Variants in BEAN1 observed in about 807,000 individuals in gnomAD.
The protein encoded by BEAN1 is brain expressed associated with NEDD4 1, also known as protein BEAN1.
Under a neutral mutation model 17.7 loss-of-function variants are expected in BEAN1, and 17 were observed. That is an observed-to-expected ratio of 0.96 (90% confidence interval 0.66 to 1.44). The LOEUF (loss-of-function observed/expected upper bound fraction) is 1.44. BEAN1 is among the 40% of genes most tolerant of loss of function. BEAN1 has a pLI of 0.00. For synonymous variants in BEAN1, 142 were observed against 151.8 expected, an observed-to-expected ratio of 0.94 and a Z score of 0.47; for missense variants, 359 against 374.1, an observed-to-expected ratio of 0.96 and a Z score of 0.33.
chr16:66,463,076 C>A (rs750766320), intron 2 of BEAN1, among the ~76,000 whole-genome samples: 1 of 152,104 alleles, frequency 6.6e-6, no homozygotes, highest in African/African-American at 2.4e-5. Flanking sequence ...ATGTACTTTG[C>A]GGGACTACCA....
intron 2 of BEAN1, among the ~76,000 whole-genome samples, chr16:66,442,720 C>T (rs1962304041): frequency 6.6e-6 from 1 of 152,132 alleles, no homozygotes; most frequent in African/African-American, 2.4e-5. Flanking sequence ...ACAATAGCAC[C>T]CTTTTGGTTT....
chr16:66,488,413 G>C (rs947449272), intron 4 of BEAN1, among the ~76,000 whole-genome samples: 1 of 151,178 alleles, frequency 6.6e-6, no homozygotes, highest in Non-Finnish European at 1.5e-5. Context: ...AGGTGTGGTG[G>C]CTCACACCTA....
At chr16:66,468,843 C>T (rs1030928772) in intron 2 of BEAN1, among the ~76,000 whole-genome samples, 2 of 152,172 alleles carry the variant, frequency 1.3e-5, no homozygotes, top group Non-Finnish European at 2.9e-5. Flanking sequence ...GGTGAGAGGA[C>T]TAAGTCACCC....
intron 2 of BEAN1, among the ~76,000 whole-genome samples, chr16:66,440,538 C>T (rs574129003): frequency 6.4e-4 from 98 of 152,172 alleles, no homozygotes; most frequent in Non-Finnish European, 9.8e-4. Flanking sequence ...ACCTTCCATT[C>T]GTGGTCTCCT....
At chr16:66,493,667 C>G (rs1468806095), downstream of BEAN1, 5 of 471,214 alleles carry the variant, frequency 1.1e-5, no homozygotes, top group East Asian at 1.6e-4. Flanking sequence ...GGATGCAGTT[C>G]CTGAGAGCAG....
intron 2 of BEAN1, among the ~76,000 whole-genome samples, chr16:66,444,397 T>G (rs2142389103): frequency 6.6e-6 from 1 of 152,058 alleles, no homozygotes; most frequent in East Asian, 1.9e-4. Context: ...GTAGCGGGGC[T>G]TTGAGGCTGC....
intron 1 of BEAN1, among the ~76,000 whole-genome samples, chr16:66,433,503 G>T (rs1260878147): frequency 6.6e-6 from 1 of 152,088 alleles, no homozygotes; most frequent in East Asian, 1.9e-4. Context: ...ATCACCTCTG[G>T]CCACGGCCTC....
intron 2 of BEAN1, among the ~76,000 whole-genome samples, chr16:66,447,322 G>A (rs1407411458): frequency 6.6e-6 from 1 of 152,174 alleles, no homozygotes; most frequent in East Asian, 1.9e-4. Context: ...ACCCAGGTTT[G>A]AAAACCGCTG....
chr16:66,482,984 G>A (rs1008379745), downstream of BEAN1: 1 of 442,988 alleles, frequency 2.3e-6, no homozygotes, highest in African/African-American at 2.0e-5. Flanking sequence ...AGCCTCCTAA[G>A]CAGCTGGGAC....
intron 2 of BEAN1, among the ~76,000 whole-genome samples, chr16:66,440,597 G>A (rs1962219400): frequency 6.6e-6 from 1 of 152,200 alleles, no homozygotes; most frequent in Non-Finnish European, 1.5e-5. Context: ...GCCCTGGGAT[G>A]CTGGGCCCCC....
At chr16:66,477,474 C>T in intron 3 of BEAN1, 86 bp from the exon 4 acceptor site, 1 of 1,335,692 alleles carries the variant, frequency 7.5e-7, no homozygotes, top group South Asian at 1.6e-5. Context: ...ATCAGAGCCT[C>T]CATGGCCCCA....
chr16:66,480,711 G>C lies in BEAN1; in HGVS notation c.566G>C (p.Ser189Thr), dbSNP rs1388849213. ...DGTSDSGSGH[S>T]PGRHQQEQRT... ...ACCTCCGACTCAGGCAGCGGCCACA[G>C]CCCTGGCCGACACCAGCAGGAGCAG... is the stretch of plus-strand genomic sequence containing the variant. The change falls in exon 5 of 5, where the codon AGC becomes ACC. Residue 189 changes from serine (S) to threonine (T), a missense_variant. Physicochemically the swap from Ser to Thr is moderately conservative, Grantham distance 58 (BLOSUM62 1). Transcript: ENST00000536005. 3 of 1,551,654 alleles carry C rather than the reference G, an allele frequency of 1.9e-6. No homozygotes were observed. Among genetic ancestry groups the C allele is most frequent in the Non-Finnish European group, 2.6e-6 (3 of 1,146,978 alleles).
At chr16:66,448,772 G>A (rs754147847) in intron 2 of BEAN1, among the ~76,000 whole-genome samples, 58 of 152,176 alleles carry the variant, frequency 3.8e-4, no homozygotes, top group Non-Finnish European at 5.9e-4. Flanking sequence ...GCGGTGAGCC[G>A]AGATCGTGCC....
chr16:66,449,685 G>A (rs544024564), intron 2 of BEAN1, among the ~76,000 whole-genome samples: 5 of 150,352 alleles, frequency 3.3e-5, no homozygotes, highest in South Asian at 2.1e-4. Flanking sequence ...AAGATAAAAG[G>A]TACCTCCAAT....
chr16:66,454,768 T>C (rs1183090023), intron 2 of BEAN1, among the ~76,000 whole-genome samples: 1 of 150,504 alleles, frequency 6.6e-6, no homozygotes, highest in African/African-American at 2.4e-5. Context: ...TTTGGTTTTT[T>C]ATTTTGTTAT....
chr16:66,445,317 A>G (rs980742671), intron 2 of BEAN1, among the ~76,000 whole-genome samples: 1 of 151,368 alleles, frequency 6.6e-6, no homozygotes, highest in Non-Finnish European at 1.5e-5. Flanking sequence ...TCTACTAAAA[A>G]TACAAAAAAT....
At chr16:66,458,510 G>A (rs924890153) in intron 2 of BEAN1, among the ~76,000 whole-genome samples, 6 of 152,076 alleles carry the variant, frequency 3.9e-5, no homozygotes, top group East Asian at 1.9e-4. Flanking sequence ...GCGGCATGCC[G>A]AAGGTCACAC....
chr16:66,484,730 G>A, downstream of BEAN1: 1 of 454,088 alleles, frequency 2.2e-6, no homozygotes, highest in Non-Finnish European at 4.4e-6. This position sits in a 1 kb window ranked among gnomAD's most constrained non-coding sequence, Gnocchi z 4.2. Context: ...CACCAAGCAG[G>A]TCACCACTGC....
chr16:66,484,760 CA>C (rs1055372415), downstream of BEAN1: 4 of 453,738 alleles, frequency 8.8e-6, no homozygotes, highest in Non-Finnish European at 1.8e-5. The surrounding 1 kb of genome is among the most constrained non-coding windows in gnomAD (Gnocchi z 4.2). Context: ...AGCGCAGTCC[CA>C]CTGGTGACTC....
Sources: allele counts gnomAD v4.1 joint callset (sites outside exome capture counted in the v4.1 genomes callset), GRCh38; gene constraint gnomAD v4.1.1; non-coding constraint Gnocchi (gnomAD v3.1); transcripts MANE v1.5; gene names NCBI Gene and HGNC (gene_info 2026-07-23, HGNC 2026-07-21).